The following MAP2K3 variants were observed in gnomAD, a reference collection of about 807,000 sequenced individuals.
MAP2K3 encodes the protein mitogen-activated protein kinase kinase 3, also known as dual specificity mitogen-activated protein kinase kinase 3.
A neutral mutation model predicts 46.4 loss-of-function variants in MAP2K3; 30 were observed. That is an observed-to-expected ratio of 0.65 (90% CI 0.48 to 0.88). The LOEUF is 0.88. Ranked by LOEUF, MAP2K3 falls within the 40% of genes least tolerant of loss-of-function variation. MAP2K3 has a pLI of 0.00. For synonymous variants in MAP2K3, 189 were observed against 176.3 expected, an observed-to-expected ratio of 1.07 and a Z score of -0.57; for missense variants, 380 against 464.5, an observed-to-expected ratio of 0.82 and a Z score of 1.67.
rs1171871496 is a variant in MAP2K3, at chr17:21,298,573, G to A, written c.116+94G>A. ...GTGAGAGGCAGGTGGGGCCAGCCCT[G>A]CTTTACCTCGTCCTGTCCTGGGCAG... On this transcript the variant is annotated intron_variant, in intron 2 of 11. Coordinates refer to ENST00000342679, the MANE Select transcript of MAP2K3 (RefSeq NM_145109.3). The A allele has an allele frequency of 1.3e-4, 204 of 1,596,522 alleles. No homozygotes were observed. The Middle Eastern group carries it at 1.7e-3, about 13-fold the overall frequency.
At chr17:21,297,860 C>T (rs911356634) in intron 1 of MAP2K3, among the ~76,000 whole-genome samples, 19 of 152,416 alleles carry the variant, frequency 1.2e-4, no homozygotes, top group African/African-American at 3.8e-4. Context: ...GTGTCGGCCT[C>T]CAGGGTGAGC....
At chr17:21,296,130 G>T in intron 1 of MAP2K3, 1 of 1,289,610 alleles carries the variant, frequency 7.8e-7, no homozygotes, top group South Asian at 1.2e-5. Context: ...GCCACAACAG[G>T]TCCCCATCTG....
chr17:21,285,759 G>A (rs114145033), intron 1 of MAP2K3, among the ~76,000 whole-genome samples: 1,700 of 152,336 alleles, frequency 0.011, 42 homozygotes, highest in African/African-American at 0.039. Context: ...ATCTGGGCCA[G>A]CCGCCAGGCC....
intron 1 of MAP2K3, among the ~76,000 whole-genome samples, chr17:21,288,884 A>G (rs1975799980): frequency 6.6e-6 from 1 of 152,190 alleles, no homozygotes; most frequent in Admixed American, 6.5e-5. Flanking sequence ...TGGCTCCACT[A>G]CTTCCTTACC....
At chr17:21,303,334 G>A in intron 7 of MAP2K3, 100 bp downstream of exon 7, 2 of 1,527,168 alleles carry the variant, frequency 1.3e-6, no homozygotes, top group Non-Finnish European at 1.8e-6. Flanking sequence ...GGCTCCGAGA[G>A]GTGATAGGTT....
chr17:21,298,566 C>G, intron 2 of MAP2K3, 87 bp downstream of exon 2: 2 of 1,606,022 alleles, frequency 1.2e-6, no homozygotes, highest in Non-Finnish European at 1.7e-6. Flanking sequence ...CAGGTGGGGC[C>G]AGCCCTGCTT....
rs1480936367 is a variant in MAP2K3, at chr17:21,305,191, G to A, written c.774+63G>A. 3.7e-6 allele frequency: 6 copies of A among 1,604,552 alleles called. No individual in the cohort carries two copies. The African/African-American group carries it at 6.7e-5, about 18-fold the overall frequency. On this transcript the variant is annotated intron_variant, in intron 9 of 11. Transcript: ENST00000342679. Reference sequence around the variant, plus strand: ...GTGGGGTGGGTGGAGCCGTGCCTGGGGCCCTGAGCTTTTGGGGGACTCATC... The same window carrying A: ...GTGGGGTGGGTGGAGCCGTGCCTGGAGCCCTGAGCTTTTGGGGGACTCATC...
At chr17:21,294,490 C>A (rs1415023987) in intron 1 of MAP2K3, among the ~76,000 whole-genome samples, 3 of 152,426 alleles carry the variant, frequency 2.0e-5, no homozygotes. Context: ...TCCCCAGGCC[C>A]AGGGTAGAGG....
chr17:21,311,827 A>C (rs773493083), intron 9 of MAP2K3: 349 of 229,448 alleles, frequency 1.5e-3, no homozygotes, highest in Non-Finnish European at 2.3e-3. Flanking sequence ...TTTCCAGAGC[A>C]GCTGGAACCT....
chr17:21,314,297 C>A lies in MAP2K3; in HGVS notation c.*67C>A, dbSNP rs1469084412. ...CAGCCCCATCTGCGGGGGCAGTGCT[C>A]ACCCACACCATAAGCTACTGCCATC... On this transcript the variant is annotated 3_prime_UTR_variant, in exon 12 of 12. Transcript: ENST00000342679. 83 of 1,344,542 alleles carry A rather than the reference C, an allele frequency of 6.2e-5. No homozygotes were observed. Among genetic ancestry groups the A allele is most frequent in the Non-Finnish European group, 7.9e-5 (74 of 940,020 alleles). 83.3% of individuals were successfully genotyped at this position (1,344,542 alleles called of 1,614,324 possible). A position where few individuals can be genotyped will look rare whatever the true frequency, so the allele number is the denominator to read the frequency against.
rs1977341603 is a variant in MAP2K3 at position 21,315,087 on chromosome 17, C to T, written c.*857C>T. Reference sequence around the variant, plus strand: ...TCACTCTCCCTGAGGACTGGCTTGACAGGGGCTATGGGTTTGCTTTGGTGT... The same window carrying T: ...TCACTCTCCCTGAGGACTGGCTTGATAGGGGCTATGGGTTTGCTTTGGTGT... On this transcript the variant is annotated 3_prime_UTR_variant, in exon 12 of 12. Coordinates refer to ENST00000342679, the MANE Select transcript of MAP2K3 (RefSeq NM_145109.3). 6.6e-6 allele frequency: 1 copy of T among 152,402 alleles called. No homozygotes were observed. The highest frequency in any genetic ancestry group is 6.5e-5 in the Admixed American group (1 of 15,270). 9.4% of individuals were successfully genotyped at this position (152,402 alleles called of 1,614,324 possible). A position where few individuals can be genotyped will look rare whatever the true frequency, so the allele number is the denominator to read the frequency against.
chr17:21,294,805 C>T (rs890242971), intron 1 of MAP2K3, among the ~76,000 whole-genome samples: 7 of 152,298 alleles, frequency 4.6e-5, no homozygotes, highest in African/African-American at 1.2e-4. Flanking sequence ...GCTGATAACC[C>T]GGGGAGGTTT....
chr17:21,308,471 G>A (rs974966398), intron 9 of MAP2K3, among the ~76,000 whole-genome samples: 1 of 152,296 alleles, frequency 6.6e-6, no homozygotes, highest in African/African-American at 2.4e-5. Context: ...CCTGGCCTGT[G>A]GCTGTAACTT....
At chr17:21,307,671 A>G (rs1412831104) in intron 9 of MAP2K3, among the ~76,000 whole-genome samples, 2 of 152,214 alleles carry the variant, frequency 1.3e-5, no homozygotes, top group African/African-American at 4.8e-5. Flanking sequence ...TTATAACTTT[A>G]TTTATTTTTA....
At position 21,302,262 on chromosome 17, in the gene MAP2K3, G is replaced by C. The variant is rs750306908; in HGVS notation, c.516+3G>C. On this transcript the variant is annotated splice_donor_region_variant and intron_variant, in intron 6 of 11. Transcript: ENST00000342679. Reference sequence around the variant, plus strand: ...TCCTTGGGGAGATTGCTGTGTCTGTGAGTGGCCTGGGTGGGCTGGCGGGGG... The same window carrying C: ...TCCTTGGGGAGATTGCTGTGTCTGTCAGTGGCCTGGGTGGGCTGGCGGGGG... 3.7e-6 allele frequency: 6 copies of C among 1,603,210 alleles called. No individual in the cohort carries two copies. The highest frequency in any genetic ancestry group is 5.1e-6 in the Non-Finnish European group (6 of 1,171,752).
At chr17:21,295,209 C>T (rs1480052687) in intron 1 of MAP2K3, among the ~76,000 whole-genome samples, 4 of 152,308 alleles carry the variant, frequency 2.6e-5, no homozygotes, top group African/African-American at 9.6e-5. Context: ...GGGTCGGGGG[C>T]TCTAGTTGGG....
At chr17:21,300,768 T>C in intron 4 of MAP2K3, 106 bp from the exon 5 acceptor site, 2 of 1,608,940 alleles carry the variant, frequency 1.2e-6, no homozygotes, top group Non-Finnish European at 8.5e-7. Flanking sequence ...GCTAGGCTTT[T>C]TGGGGCACAC....
chr17:21,311,796 A>G (rs5006072), intron 9 of MAP2K3: 6 of 194,672 alleles, frequency 3.1e-5, no homozygotes, highest in Non-Finnish European at 6.2e-5. Context: ...CTACGGCCCA[A>G]AGTTGCCAGC....
chr17:21,303,361 G>A (rs41303773), intron 7 of MAP2K3, 127 bp downstream of exon 7: 157,357 of 1,214,474 alleles, frequency 0.13, 7 homozygotes, highest in Middle Eastern at 0.15. Flanking sequence ...TGCCCGATGG[G>A]GTTCCAGCCG....
Sources: allele counts gnomAD v4.1 joint callset (sites outside exome capture counted in the v4.1 genomes callset), GRCh38; gene constraint gnomAD v4.1.1; transcripts MANE v1.5; gene names NCBI Gene and HGNC (gene_info 2026-07-23, HGNC 2026-07-21).